The following IGSF10 variants were observed in gnomAD, a reference collection of about 807,000 sequenced individuals.
IGSF10 encodes calvaria mechanical force protein 608.
Under a neutral mutation model 128.2 loss-of-function variants are expected in IGSF10, and 126 were observed. That is an observed-to-expected ratio of 0.98 (90% CI 0.85 to 1.14). The LOEUF is 1.14. IGSF10 is among the 50% of genes most tolerant of loss of function. IGSF10 has a pLI of 0.00. For missense variants in IGSF10, 3,295 were observed against 3,149.8 expected (o/e 1.05, Z -1.10); for synonymous variants, 1,185 against 1,146.2 (o/e 1.03, Z -0.68).
rs1304091771 is a variant in IGSF10 at position 151,437,498 on chromosome 3, T to C, written c.7063A>G (p.Thr2355Ala). The C allele has an allele frequency of 6.2e-7, 1 of 1,614,214 alleles. No individual in the cohort carries two copies. Among genetic ancestry groups the C allele is most frequent in the Admixed American group, 1.7e-5 (1 of 60,032 alleles). Residue 2355 changes from threonine to alanine, a missense_variant, in exon 8 of 8, where the codon ACA (threonine) becomes GCA (alanine). Transcript: ENST00000282466. ...CCATCAACAGAGCAATTCAATGCTG[T>C]GGACTTTCCCAGCTGGGCAACTATT... Reference protein sequence around the residue: ...EKIVAQLGKSTALNCSVDGNP... With the variant: ...EKIVAQLGKSAALNCSVDGNP...
the IGSF10 span, among the ~76,000 whole-genome samples, chr3:151,614,321 G>A: frequency 0.02 from 3,072 of 152,218 alleles, 94 homozygotes; most frequent in African/African-American, 0.07. Context: ...CCATTACTGG[G>A]TATATACCCA....
chr3:151,447,404 G>A lies in IGSF10; in HGVS notation c.2577C>T (p.Phe859=), dbSNP rs1376014228. The A allele has an allele frequency of 6.2e-7, 1 of 1,613,952 alleles. No homozygotes were observed. Among genetic ancestry groups the A allele is most frequent in the Non-Finnish European group, 8.5e-7 (1 of 1,179,810 alleles). Residue 859 remains phenylalanine (F), a synonymous_variant, in exon 6 of 8, where the codon TTC becomes TTT. Coordinates refer to ENST00000282466, the MANE Select transcript of IGSF10 (RefSeq NM_178822.5). ...TAGTTTTAATAGCAGTAGACAGTTTGAAATCTGTGGGTTCTTCAGGTGGTA... is the reference window on the plus strand; with the variant it reads ...TAGTTTTAATAGCAGTAGACAGTTTAAAATCTGTGGGTTCTTCAGGTGGTA... The part of the protein sequence containing the change: ...QILPPEEPTD[F]KLSTAIKTTA...
Position 151,447,575 on chromosome 3 carries a change from T to G in IGSF10, c.2406A>C (p.Leu802=). ...EEDDSSGMLA[L]HEEFMVPATK... ...TGGCCGGGACCATAAATTCCTCATG[T>G]AGAGCGAGCATGCCTGAGGAATCGT... The change falls in exon 6 of 8, where the codon CTA becomes CTC. Residue 802 remains leucine (L), a synonymous_variant. Transcript: ENST00000282466. 6.2e-7 allele frequency: 1 copy of G among 1,614,172 alleles called. No homozygotes were observed. The highest frequency in any genetic ancestry group is 8.5e-7 in the Non-Finnish European group (1 of 1,180,022).
the IGSF10 span, among the ~76,000 whole-genome samples, chr3:151,593,554 T>C: frequency 1.3e-5 from 2 of 152,082 alleles, no homozygotes; most frequent in Non-Finnish European, 2.9e-5. Context: ...TCACCAATGG[T>C]TGTACCTATG....
intron 4 of IGSF10, among the ~76,000 whole-genome samples, chr3:151,455,945 T>C (rs561831694): frequency 6.6e-6 from 1 of 152,244 alleles, no homozygotes; most frequent in Non-Finnish European, 1.5e-5. Context: ...CTGTCGAGAA[T>C]GCTTCTCTAG....
chr3:151,528,709 G>T, the IGSF10 span, among the ~76,000 whole-genome samples: 1 of 152,138 alleles, frequency 6.6e-6, no homozygotes, highest in Non-Finnish European at 1.5e-5. Context: ...GGCAGACCAG[G>T]AGATTCCCTC....
the IGSF10 span, among the ~76,000 whole-genome samples, chr3:151,529,444 T>G: frequency 6.6e-6 from 1 of 152,146 alleles, no homozygotes; most frequent in African/African-American, 2.4e-5. Context: ...GACAGATACC[T>G]CATACAGGAG....
the IGSF10 span, among the ~76,000 whole-genome samples, chr3:151,527,170 C>T: frequency 3.3e-5 from 5 of 152,116 alleles, no homozygotes; most frequent in South Asian, 2.1e-4. Context: ...AATTATTTTG[C>T]CTTTAAATGA....
the IGSF10 span, among the ~76,000 whole-genome samples, chr3:151,573,866 C>T: frequency 6.6e-6 from 1 of 152,136 alleles, no homozygotes; most frequent in South Asian, 2.1e-4. Context: ...GTGGCTGGTA[C>T]CAGTTGTTCC....
chr3:151,561,284 G>A, the IGSF10 span, among the ~76,000 whole-genome samples: 2 of 152,078 alleles, frequency 1.3e-5, no homozygotes, highest in African/African-American at 4.8e-5. Context: ...TAAAGTAAAG[G>A]GAGAAAAATC....
At chr3:151,467,610 C>T in the IGSF10 span, among the ~76,000 whole-genome samples, 30 of 152,102 alleles carry the variant, frequency 2.0e-4, no homozygotes, top group Admixed American at 1.4e-3. Flanking sequence ...CTGAGCCGGG[C>T]GCGGTGGCTC....
At chr3:151,502,183 A>G in the IGSF10 span, among the ~76,000 whole-genome samples, 1 of 152,120 alleles carries the variant, frequency 6.6e-6, no homozygotes, top group Non-Finnish European at 1.5e-5. Context: ...TCTTATCTGC[A>G]AAGTGTGAAA....
the IGSF10 span, among the ~76,000 whole-genome samples, chr3:151,483,608 G>C: frequency 6.6e-6 from 1 of 152,142 alleles, no homozygotes; most frequent in African/African-American, 2.4e-5. Flanking sequence ...TCTAACTGAG[G>C]TACCTAGGTC....
the IGSF10 span, among the ~76,000 whole-genome samples, chr3:151,531,345 T>C: frequency 6.6e-6 from 1 of 152,184 alleles, no homozygotes; most frequent in Non-Finnish European, 1.5e-5. Context: ...CTAATAGACA[T>C]CTACAGAACT....
the IGSF10 span, among the ~76,000 whole-genome samples, chr3:151,548,542 T>C: frequency 6.6e-6 from 1 of 152,224 alleles, no homozygotes; most frequent in South Asian, 2.1e-4. Context: ...CACTAATGAC[T>C]GGAACAGTAT....
the IGSF10 span, among the ~76,000 whole-genome samples, chr3:151,532,580 A>G: frequency 6.6e-6 from 1 of 152,178 alleles, no homozygotes; most frequent in Non-Finnish European, 1.5e-5. Context: ...TAAAAACCAC[A>G]TGATTATCTC....
chr3:151,522,323 CT>C, the IGSF10 span, among the ~76,000 whole-genome samples: 1 of 152,058 alleles, frequency 6.6e-6, no homozygotes, highest in Non-Finnish European at 1.5e-5. Flanking sequence ...GGAGGAGAAC[CT>C]GTTCCCCAAC....
chr3:151,446,587 C>A lies in IGSF10; in HGVS notation c.3394G>T (p.Glu1132Ter). The change falls in exon 6 of 8, where the codon GAA (glutamate) becomes TAA (stop). Residue 1132 changes from glutamate to a stop codon, truncating the protein, a stop_gained. Transcript: ENST00000282466. LOFTEE classifies it high-confidence loss of function. ...CCAGTTGGAGTCACTTGGGAAATTT[C>A]AGTCCTGAAATATTTTATTGTGGGT... ...TTPTIKYFRT[E>*]ISQVTPTGAV... The A allele has an allele frequency of 6.2e-7, 1 of 1,614,120 alleles. No homozygotes were observed. The highest frequency in any genetic ancestry group is 1.1e-5 in the South Asian group (1 of 91,086).
At chr3:151,505,764 G>A in the IGSF10 span, among the ~76,000 whole-genome samples, 21 of 152,032 alleles carry the variant, frequency 1.4e-4, no homozygotes, top group Admixed American at 5.2e-4. Context: ...TAAATTTTCC[G>A]CATATACATT....
Sources: gnomAD v4.1 joint callset for allele counts (sites outside exome capture counted in the v4.1 genomes callset) on GRCh38, gnomAD v4.1.1 for gene constraint, MANE v1.5 for transcripts, NCBI Gene and HGNC (gene_info 2026-07-23, HGNC 2026-07-21) for gene names.